The following FOXP2 variants were observed in gnomAD, a reference collection of about 807,000 sequenced individuals.
FOXP2 encodes forkhead box protein P2.
In FOXP2, 12 loss-of-function variants were observed where a neutral mutation model predicts 115.8. That is an observed-to-expected ratio of 0.10 (90% CI 0.07 to 0.17). The LOEUF (loss-of-function observed/expected upper bound fraction) is 0.17. Ranked by LOEUF, FOXP2 falls within the 10% of genes least tolerant of loss-of-function variation. The pLI is 1.00. For synonymous variants in FOXP2, 328 were observed against 297.7 expected, an observed-to-expected ratio of 1.10 and a Z score of -1.05; for missense variants, 629 against 843.5, an observed-to-expected ratio of 0.75 and a Z score of 3.15.
At chr7:114,586,040 T>C (rs1220850561) in intron 3 of FOXP2, among the ~76,000 whole-genome samples, 2 of 152,218 alleles carry the variant, frequency 1.3e-5, no homozygotes, top group South Asian at 2.1e-4. Flanking sequence ...TAGACAAAAC[T>C]GTCTGCACAA....
chr7:114,664,045 G>C (rs1319987704), intron 15 of FOXP2, among the ~76,000 whole-genome samples: 1 of 152,118 alleles, frequency 6.6e-6, no homozygotes, highest in African/African-American at 2.4e-5. Context: ...TGAAACATGA[G>C]TGAGAAAGTT....
chr7:114,313,607 T>C lies in FOXP2; in HGVS notation c.-11+25498T>C. On this transcript the variant is annotated intron_variant, in intron 2 of 17. Transcript: ENST00000634411. ...AAAAATACAAAAAATTAGCCGGGCG[T>C]AGTGGCGGGCGCCTGTAGTCCCAGC... is the stretch of plus-strand genomic sequence containing the variant. Among the ~76,000 whole-genome samples, 2 of 100,652 alleles carry C rather than the reference T, an allele frequency of 2.0e-5. 1 individual carries two copies. The highest frequency in any genetic ancestry group is 3.7e-5 in the Non-Finnish European group (2 of 54,668). 66.0% of individuals were successfully genotyped at this position (100,652 alleles called of 152,430 possible). A position where few individuals can be genotyped will look rare whatever the true frequency, so the allele number is the denominator to read the frequency against.
rs577525848 is a variant in FOXP2 at position 114,595,283 on chromosome 7, A to G, written c.259-33257A>G. Reference sequence around the variant, plus strand: ...CCCATGTTATATAATTAACCGCTACATATCTACATTAATTTTCCTATTTTC... The same window carrying G: ...CCCATGTTATATAATTAACCGCTACGTATCTACATTAATTTTCCTATTTTC... On this transcript the variant is annotated intron_variant, in intron 3 of 16. Transcript: ENST00000350908. Among the ~76,000 whole-genome samples, 231 of 152,126 alleles carry G rather than the reference A, an allele frequency of 1.5e-3. 2 individuals are homozygous for G. The highest frequency in any genetic ancestry group is 5.3e-3 in the African/African-American group (220 of 41,538).
intron 2 of FOXP2, among the ~76,000 whole-genome samples, chr7:114,513,696 T>C (rs181359995): frequency 4.2e-4 from 64 of 152,294 alleles, no homozygotes; most frequent in Non-Finnish European, 7.8e-4. Flanking sequence ...TTTCATGTTC[T>C]TTCTGAAGTC....
Position 114,419,443 on chromosome 7 carries a change from A to C in FOXP2, c.-11+4083A>C, listed in dbSNP as rs145075993. On this transcript the variant is annotated intron_variant, in intron 1 of 16. Transcript: ENST00000350908. The stretch of plus-strand genomic sequence containing the variant: ...GTGTTAATACAGGTGTTTTTGGAGT[A>C]GGTCTGCTTCATAGTCACTTGTTTT... Among the ~76,000 whole-genome samples, 518 of 151,996 alleles carry C rather than the reference A, an allele frequency of 3.4e-3. 1 individual carries two copies. Among genetic ancestry groups the C allele is most frequent in the African/African-American group, 0.012 (489 of 41,518 alleles).
At chr7:114,229,634 A>G (rs775057859) in intron 1 of FOXP2, among the ~76,000 whole-genome samples, 3 of 151,798 alleles carry the variant, frequency 2.0e-5, no homozygotes, top group Non-Finnish European at 3.0e-5. Context: ...TAAGCAACAT[A>G]TTCTTGAACA....
intron 2 of FOXP2, among the ~76,000 whole-genome samples, chr7:114,475,504 G>A (rs1223034649): frequency 6.6e-6 from 1 of 152,024 alleles, no homozygotes; most frequent in Non-Finnish European, 1.5e-5. Context: ...ATGACAGCCA[G>A]CAGATAGGCC....
At chr7:114,125,140 GATTTT>G (rs1285203670) in intron 1 of FOXP2, among the ~76,000 whole-genome samples, 7 of 151,932 alleles carry the variant, frequency 4.6e-5, no homozygotes, top group Non-Finnish European at 8.8e-5. Context: ...TATGCCCCAG[GATTTT>G]ATTTTATTTT....
intron 2 of FOXP2, among the ~76,000 whole-genome samples, chr7:114,533,790 T>C (rs553364968): frequency 2.6e-4 from 39 of 152,074 alleles, no homozygotes; most frequent in African/African-American, 9.1e-4. Flanking sequence ...GAATTTACTA[T>C]GCATTTTGGT....
At chr7:114,421,020 A>C (rs1212330931) in intron 1 of FOXP2, among the ~76,000 whole-genome samples, 2 of 151,636 alleles carry the variant, frequency 1.3e-5, no homozygotes, top group African/African-American at 4.8e-5. Flanking sequence ...TTAGTTAACC[A>C]GAATTATCAA....
At chr7:114,618,755 A>G (rs1262577987) in intron 3 of FOXP2, among the ~76,000 whole-genome samples, 5 of 152,120 alleles carry the variant, frequency 3.3e-5, no homozygotes, top group Non-Finnish European at 7.4e-5. Context: ...AATCTTTTTA[A>G]TGTTTTTAGA....
chr7:114,529,824 G>GTA lies in FOXP2; in HGVS notation c.169-4789_169-4788dup, dbSNP rs146247235. Among the ~76,000 whole-genome samples, 856 of 151,884 alleles carry GTA rather than the reference G, an allele frequency of 5.6e-3. 5 individuals carry two copies. Among genetic ancestry groups the GTA allele is most frequent in the African/African-American group, 0.02 (818 of 41,512 alleles). On this transcript the variant is annotated intron_variant, in intron 2 of 16. Transcript: ENST00000350908. ...ATGAGACTTCGGATTACATGTATCA[G>GTA]TATATTCTCTTTAGTGGGAACATAA...
chr7:114,662,142 G>A lies in FOXP2; in HGVS notation c.1725G>A (p.Val575=), dbSNP rs1424508925. ...ATGTTAAAGGAGCAGTATGGACTGT[G>A]GATGAAGTAGAATACCAGAAGCGAA... is the stretch of plus-strand genomic sequence containing the variant. ...VENVKGAVWT[V]DEVEYQKRRS... Residue 575 remains valine, a synonymous_variant, in exon 14 of 17, where the codon GTG becomes GTA. Coordinates refer to ENST00000350908, the MANE Select transcript of FOXP2 (RefSeq NM_014491.4). The A allele has an allele frequency of 1.2e-6, 2 of 1,612,806 alleles. No individual in the cohort carries two copies. Among genetic ancestry groups the A allele is most frequent in the Non-Finnish European group, 1.7e-6 (2 of 1,179,220 alleles).
rs553185465 is a variant in FOXP2, at chr7:114,260,853, A to T, written c.-101-27166A>T. On this transcript the variant is annotated intron_variant, in intron 1 of 17. Coordinates refer to the FOXP2 transcript ENST00000634411. Reference sequence around the variant, plus strand: ...GTGTATGTAATGGCATTAAAAAAAAAATATTCCCAGGCAATTAACCGAACA... The same window carrying T: ...GTGTATGTAATGGCATTAAAAAAAATATATTCCCAGGCAATTAACCGAACA... Among the ~76,000 whole-genome samples the T allele has an allele frequency of 3.4e-3, 512 of 152,224 alleles. 2 individuals are homozygous for T. The highest frequency in any genetic ancestry group is 3.7e-3 in the Non-Finnish European group (254 of 68,010).
intron 3 of FOXP2, among the ~76,000 whole-genome samples, chr7:114,605,643 A>T (rs1341444543): frequency 6.6e-6 from 1 of 152,138 alleles, no homozygotes; most frequent in Non-Finnish European, 1.5e-5. Context: ...GTTTGGGTTG[A>T]TCGAGGTGTT....
chr7:114,220,768 T>C lies in FOXP2; in HGVS notation c.-102+57680T>C, dbSNP rs77051777. On this transcript the variant is annotated intron_variant, in intron 1 of 17. Transcript: ENST00000634411. ...ATAGAAATATGTTAAATACTCACTTTAATTGAGACAGTCCTAAGGTTAGTG... is the reference window on the plus strand; with the variant it reads ...ATAGAAATATGTTAAATACTCACTTCAATTGAGACAGTCCTAAGGTTAGTG... 5.9e-5 allele frequency among the ~76,000 whole-genome samples: 9 copies of C among 152,342 alleles called. No homozygotes were observed. In the East Asian group the frequency reaches 1.5e-3, roughly 26 times the overall value.
chr7:114,509,863 C>A (rs1409881274), intron 2 of FOXP2, among the ~76,000 whole-genome samples: 5 of 150,812 alleles, frequency 3.3e-5, no homozygotes, highest in Non-Finnish European at 7.4e-5. Flanking sequence ...CTGAGTAAGA[C>A]CACCTGGTGA....
chr7:114,188,499 C>T (rs947816597), intron 1 of FOXP2, among the ~76,000 whole-genome samples: 1 of 152,186 alleles, frequency 6.6e-6, no homozygotes, highest in African/African-American at 2.4e-5. Context: ...TTGCTGACCA[C>T]CCTACTTAAA....
At chr7:114,272,037 A>G (rs1472093287) in intron 1 of FOXP2, among the ~76,000 whole-genome samples, 1 of 140,320 alleles carries the variant, frequency 7.1e-6, no homozygotes, top group Non-Finnish European at 1.5e-5. Context: ...TAATAATATA[A>G]TATAAATATG....
Sources: gnomAD v4.1 joint callset for allele counts (sites outside exome capture counted in the v4.1 genomes callset) on GRCh38, gnomAD v4.1.1 for gene constraint, MANE v1.5 for transcripts, NCBI Gene and HGNC (gene_info 2026-07-23, HGNC 2026-07-21) for gene names.